Variants in KSR1 observed in about 807,000 individuals in gnomAD.
KSR1 encodes the protein kinase suppressor of ras.
KSR1 carries 35 observed loss-of-function variants against 92.9 expected under a neutral mutation model. The ratio of observed to expected loss-of-function variants is 0.38; its 90% confidence interval spans 0.29 to 0.50. The LOEUF (loss-of-function observed/expected upper bound fraction) is 0.50, where lower values mean the gene tolerates loss of function less well. KSR1 is among the 20% of genes least tolerant of loss of function. The pLI, the probability that KSR1 is intolerant of heterozygous loss-of-function variation, is 0.94. For missense variants in KSR1, 972 were observed against 1,158.5 expected, an observed-to-expected ratio of 0.84 and a Z score of 2.34; for synonymous variants, 467 against 472.6, an observed-to-expected ratio of 0.99 and a Z score of 0.15.
intron 1 of KSR1, among the ~76,000 whole-genome samples, chr17:27,495,679 T>C (rs17778066): frequency 0.23 from 35,493 of 152,130 alleles, 4,503 homozygotes; most frequent in Admixed American, 0.35. Context: ...ATCACTGTGA[T>C]TTCAGAATAA....
intron 2 of KSR1, chr17:27,558,220 C>A (rs1412441901): frequency 6.6e-6 from 1 of 151,968 alleles, no homozygotes; most frequent in African/African-American, 2.4e-5. Context: ...CCTCTTCACG[C>A]ATTTTACAGT....
intron 18 of KSR1, among the ~76,000 whole-genome samples, chr17:27,616,718 G>T (rs1316323630): frequency 6.6e-6 from 1 of 152,210 alleles, no homozygotes; most frequent in Non-Finnish European, 1.5e-5. Context: ...GAATCAGAAG[G>T]CTGCAGGGCC....
rs192502865 is a variant in KSR1, at chr17:27,540,058, C to G, written c.232-10510C>G. ...AAGCTTTGCATTTCCCAGGAAGCAT[C>G]ATGGGTGCTTTTAAACCATAGTTGA... On this transcript the variant is annotated intron_variant, in intron 1 of 20. Coordinates refer to ENST00000644974, the MANE Select transcript of KSR1 (RefSeq NM_001394583.1). Among the ~76,000 whole-genome samples, 255 of 152,360 alleles carry G rather than the reference C, an allele frequency of 1.7e-3. 1 individual carries two copies. The highest frequency in any genetic ancestry group is 3.9e-3 in the South Asian group (19 of 4,828).
Position 27,577,570 on chromosome 17 carries a change from G to A in KSR1, c.451G>A (p.Gly151Arg). Reference sequence around the variant, plus strand: ...GGTGAAGGAGACGCTGCGGCGCTGTGGGGCCAGCGGGGATGAGTGTGGCCG... The same window carrying A: ...GGTGAAGGAGACGCTGCGGCGCTGTAGGGCCAGCGGGGATGAGTGTGGCCG... ...AKVKETLRRCGASGDECGRLQ... is the reference protein window; with the variant it reads ...AKVKETLRRCRASGDECGRLQ... The change falls in exon 3 of 21, where the codon GGG becomes AGG. Residue 151 changes from glycine to arginine, a missense_variant. Transcript: ENST00000644974. The surrounding 1 kb of genome is among the most constrained non-coding windows in gnomAD (Gnocchi z 4.5). 6.2e-7 allele frequency: 1 copy of A among 1,605,006 alleles called. No individual in the cohort carries two copies. Among genetic ancestry groups the A allele is most frequent in the East Asian group, 2.2e-5 (1 of 44,716 alleles).
At chr17:27,581,210 CT>C (rs964182562) in intron 3 of KSR1, among the ~76,000 whole-genome samples, 9 of 152,204 alleles carry the variant, frequency 5.9e-5, no homozygotes, top group African/African-American at 2.2e-4. Context: ...GTGCCACACA[CT>C]TTTAAACTCA....
At chr17:27,492,702 A>G (rs994094535) in intron 1 of KSR1, among the ~76,000 whole-genome samples, 2 of 152,196 alleles carry the variant, frequency 1.3e-5, no homozygotes, top group African/African-American at 4.8e-5. Context: ...CCATCCCTTC[A>G]TGCTGGCCAC....
rs73983431 is a variant in KSR1, at chr17:27,460,449, T to C, written c.231+3575T>C. On this transcript the variant is annotated intron_variant, in intron 1 of 20. Transcript: ENST00000644974. ...GGAGAAAAATCCCTCCTAAGCAAGC[T>C]GGCGTGGAGAAAGGGGCTGAAGGAC... 5.7e-3 allele frequency among the ~76,000 whole-genome samples: 870 copies of C among 152,242 alleles called. 9 individuals carry two copies. Among genetic ancestry groups the C allele is most frequent in the African/African-American group, 0.019 (792 of 41,536 alleles).
chr17:27,551,199 A>T (rs1409922673), intron 2 of KSR1, among the ~76,000 whole-genome samples: 2 of 152,228 alleles, frequency 1.3e-5, no homozygotes, highest in South Asian at 2.1e-4. Flanking sequence ...AATTTAGTTT[A>T]ATCTTCTGAC....
chr17:27,584,301 A>G (rs548386974), intron 4 of KSR1, among the ~76,000 whole-genome samples: 1 of 152,140 alleles, frequency 6.6e-6, no homozygotes, highest in Non-Finnish European at 1.5e-5. Context: ...TCATCTTTGG[A>G]ACGGGCCTGA....
At chr17:27,547,193 G>T (rs1165119042) in intron 1 of KSR1, among the ~76,000 whole-genome samples, 4 of 152,200 alleles carry the variant, frequency 2.6e-5, no homozygotes, top group African/African-American at 9.7e-5. Context: ...TGGTGAGCCT[G>T]GGGCCAAACT....
chr17:27,548,564 T>C (rs973293324), intron 1 of KSR1, among the ~76,000 whole-genome samples: 2 of 151,820 alleles, frequency 1.3e-5, no homozygotes, highest in Non-Finnish European at 2.9e-5. Flanking sequence ...AAGTGCTGGC[T>C]CATGCCTGTA....
intron 1 of KSR1, among the ~76,000 whole-genome samples, chr17:27,470,272 C>T (rs1224889562): frequency 1.4e-4 from 20 of 138,778 alleles, no homozygotes; most frequent in Non-Finnish European, 2.3e-4. Context: ...GACAGACTCT[C>T]GCTCTGTGGC....
chr17:27,581,877 C>G (rs1046381610), intron 3 of KSR1, among the ~76,000 whole-genome samples: 2 of 152,224 alleles, frequency 1.3e-5, no homozygotes, highest in Non-Finnish European at 2.9e-5. Context: ...CCCACAGTCA[C>G]TCGAAGGCTG....
At chr17:27,456,896 C>T (rs1168401401) in intron 1 of KSR1, 22 bp downstream of exon 1, 1 of 817,894 alleles carries the variant, frequency 1.2e-6, no homozygotes, top group African/African-American at 1.7e-5. Context: ...GGGGACCAGG[C>T]TGGGCTCGAG....
At chr17:27,543,872 TG>T (rs1485491828) in intron 1 of KSR1, among the ~76,000 whole-genome samples, 1 of 152,168 alleles carries the variant, frequency 6.6e-6, no homozygotes, top group East Asian at 1.9e-4. Flanking sequence ...ATCTGATGCG[TG>T]GGTTCCTCCA....
At chr17:27,458,483 A>G (rs1321345035) in intron 1 of KSR1, among the ~76,000 whole-genome samples, 1 of 152,106 alleles carries the variant, frequency 6.6e-6, no homozygotes, top group Non-Finnish European at 1.5e-5. Context: ...ATATAGGAGA[A>G]CCACTTGCTG....
intron 1 of KSR1, among the ~76,000 whole-genome samples, chr17:27,509,975 G>T (rs763639815): frequency 3.3e-5 from 5 of 152,214 alleles, no homozygotes; most frequent in Non-Finnish European, 7.3e-5. Flanking sequence ...CAGAGGTAGT[G>T]GAGTTCATCA....
chr17:27,563,019 G>C (rs752909864), intron 2 of KSR1, among the ~76,000 whole-genome samples: 1 of 151,204 alleles, frequency 6.6e-6, no homozygotes, highest in African/African-American at 2.4e-5. Context: ...CAATGCCCAC[G>C]TGGAATCAGC....
chr17:27,606,791 CAA>C (rs34072070), intron 14 of KSR1, among the ~76,000 whole-genome samples: 21 of 115,968 alleles, frequency 1.8e-4, no homozygotes, highest in East Asian at 5.1e-4. Flanking sequence ...GACTCCATCT[CAA>C]AAAAAAAAAA....
Sources: gnomAD v4.1 joint callset for allele counts (sites outside exome capture counted in the v4.1 genomes callset) on GRCh38, gnomAD v4.1.1 for gene constraint, Gnocchi (gnomAD v3.1) non-coding constraint, MANE v1.5 for transcripts, NCBI Gene and HGNC (gene_info 2026-07-23, HGNC 2026-07-21) for gene names.